The following ILDR2 variants were observed in gnomAD, a reference collection of about 807,000 sequenced individuals.
The protein encoded by ILDR2 is immunoglobulin-like domain-containing receptor 2.
A neutral mutation model predicts 66.8 loss-of-function variants in ILDR2; 25 were observed. The ratio of observed to expected loss-of-function variants is 0.37; its 90% confidence interval spans 0.27 to 0.52. ILDR2 has a LOEUF of 0.52. ILDR2 is among the 20% of genes least tolerant of loss of function. The pLI is 0.88. For missense variants in ILDR2, 827 were observed against 876.8 expected, an observed-to-expected ratio of 0.94 and a Z score of 0.72; for synonymous variants, 367 against 357.2, an observed-to-expected ratio of 1.03 and a Z score of -0.31.
chr1:166,972,396 T>C (rs1663360694), intron 1 of ILDR2, among the ~76,000 whole-genome samples: 1 of 152,138 alleles, frequency 6.6e-6, no homozygotes, highest in Non-Finnish European at 1.5e-5. Context: ...ACCACCCATA[T>C]TCAGGAACAA....
chr1:166,921,263 C>T lies in ILDR2; in HGVS notation c.1328G>A (p.Arg443Gln), dbSNP rs1001537420. 5 of 1,598,520 alleles carry T rather than the reference C, an allele frequency of 3.1e-6. No homozygotes were observed. The highest frequency in any genetic ancestry group is 2.6e-6 in the Non-Finnish European group (3 of 1,175,266). ...CGCCTCGTGACTGTTGCCGTCTGCCCGGCGGGGCCGCTGGCCGTAGGAGTC... is the reference window on the plus strand; with the variant it reads ...CGCCTCGTGACTGTTGCCGTCTGCCTGGCGGGGCCGCTGGCCGTAGGAGTC... The part of the protein sequence containing the change: ...FADSYGQRPR[R>Q]ADGNSHEARG... The change falls in exon 9 of 10, where the codon CGG becomes CAG. Residue 443 changes from arginine (R) to glutamine (Q), a missense_variant. Transcript: ENST00000271417. This position sits in a 1 kb window ranked among gnomAD's most constrained non-coding sequence, Gnocchi z 5.3.
chr1:166,963,537 A>C (rs1418648997), intron 1 of ILDR2, among the ~76,000 whole-genome samples: 1 of 152,148 alleles, frequency 6.6e-6, no homozygotes, highest in Admixed American at 6.5e-5. Flanking sequence ...TAGCCAACTA[A>C]ATGGTCTTCC....
At chr1:166,924,143 A>G (rs1462431169) in intron 7 of ILDR2, among the ~76,000 whole-genome samples, 1 of 152,166 alleles carries the variant, frequency 6.6e-6, no homozygotes, top group Non-Finnish European at 1.5e-5. Flanking sequence ...TTATCATGCA[A>G]TCAGTTGATT....
At chr1:166,899,138 T>C (rs1659220855) in intron 2 of ILDR2, among the ~76,000 whole-genome samples, 1 of 152,042 alleles carries the variant, frequency 6.6e-6, no homozygotes, top group South Asian at 2.1e-4. Context: ...ACGCCTGTAA[T>C]CCCAGCACTT....
Position 166,975,383 on chromosome 1 carries a change from T to TC in ILDR2, c.-116dup. On this transcript the variant is annotated 5_prime_UTR_variant, in exon 1 of 10. It removes the in-frame stop codon of an upstream open reading frame in the 5' UTR. Coordinates refer to ENST00000271417, the MANE Select transcript of ILDR2 (RefSeq NM_199351.3). ...GCGGCGGAGCGGCGGGCACCGGGCG[T>TC]CCCTGGGCGCAGCGCCCGCCGGGCC... 1.7e-6 allele frequency: 1 copy of TC among 584,050 alleles called. No homozygotes were observed. The highest frequency in any genetic ancestry group is 2.3e-6 in the Non-Finnish European group (1 of 436,338). The allele number at this position is 584,050 out of a possible 1,614,324, so 36.2% of individuals were successfully genotyped here.
chr1:166,947,619 G>C (rs1423872539), intron 3 of ILDR2, among the ~76,000 whole-genome samples: 1 of 152,120 alleles, frequency 6.6e-6, no homozygotes, highest in Non-Finnish European at 1.5e-5. Context: ...CAGGGGCTGA[G>C]CCAATTTCTC....
chr1:166,925,528 GTC>G (rs1416197435), intron 7 of ILDR2, among the ~76,000 whole-genome samples: 1 of 152,160 alleles, frequency 6.6e-6, no homozygotes, highest in Non-Finnish European at 1.5e-5. Context: ...GAAGGCTGTG[GTC>G]TCTGAACAGA....
In ILDR2 at chr1:166,920,956, A is replaced by G; in HGVS notation, c.1635T>C (p.Gly545=). 1 of 1,483,960 alleles carries G rather than the reference A, an allele frequency of 6.7e-7. No homozygotes were observed. The highest frequency in any genetic ancestry group is 8.9e-7 in the Non-Finnish European group (1 of 1,127,354). 91.9% of individuals were successfully genotyped at this position (1,483,960 alleles called of 1,614,324 possible). The change falls in exon 9 of 10, where the codon GGT becomes GGC. Residue 545 remains glycine (G), a synonymous_variant. Transcript: ENST00000271417. ...GCTTGGATGGCGTCTCCAGGCTGCCACCGCGGCTGGCGCCCTCGGGCCGCG... is the reference window on the plus strand; with the variant it reads ...GCTTGGATGGCGTCTCCAGGCTGCCGCCGCGGCTGGCGCCCTCGGGCCGCG... ...RQARPEGASR[G]GSLETPSKRS...
chr1:166,959,162 C>A (rs971260114), intron 1 of ILDR2, among the ~76,000 whole-genome samples: 3 of 152,188 alleles, frequency 2.0e-5, no homozygotes, highest in African/African-American at 7.2e-5. Context: ...CTTTTTGCAT[C>A]TTTTAAAACC....
At chr1:166,942,206 A>G (rs1014955701) in intron 3 of ILDR2, among the ~76,000 whole-genome samples, 9 of 152,182 alleles carry the variant, frequency 5.9e-5, no homozygotes, top group Non-Finnish European at 1.5e-5. Context: ...TTTACTCTCA[A>G]AGTATTCTAG....
At chr1:166,901,040 C>A (rs1213658778) in intron 2 of ILDR2, among the ~76,000 whole-genome samples, 1 of 152,214 alleles carries the variant, frequency 6.6e-6, no homozygotes, top group Non-Finnish European at 1.5e-5. Flanking sequence ...CATTCAAAAG[C>A]AGAAGCAAAG....
intron 3 of ILDR2, among the ~76,000 whole-genome samples, chr1:166,940,920 A>G (rs1442708134): frequency 1.3e-5 from 2 of 152,162 alleles, no homozygotes; most frequent in Non-Finnish European, 2.9e-5. Flanking sequence ...CCCTTCCTCT[A>G]TCAAGTCACC....
In ILDR2 at chr1:166,913,805, C is replaced by T. The variant is rs1659534046; in HGVS notation, c.*5550G>A. 6.6e-6 allele frequency: 1 copy of T among 152,174 alleles called. No individual in the cohort carries two copies. Among genetic ancestry groups the T allele is most frequent in the African/African-American group, 2.4e-5 (1 of 41,444 alleles). 9.4% of individuals were successfully genotyped at this position (152,174 alleles called of 1,614,324 possible). A position where few individuals can be genotyped will look rare whatever the true frequency, so the allele number is the denominator to read the frequency against. ...AAAACCTGAAGCATATATTACCCCT[C>T]ACAGCACAGGTGATGAAAGTGAGGC... On this transcript the variant is annotated 3_prime_UTR_variant, in exon 10 of 10. Coordinates refer to ENST00000271417, the MANE Select transcript of ILDR2 (RefSeq NM_199351.3).
rs1208250755 is a variant in ILDR2, at chr1:166,914,894, G to A, written c.*4461C>T. 1.3e-5 allele frequency: 2 copies of A among 152,224 alleles called. No homozygotes were observed. Among genetic ancestry groups the A allele is most frequent in the Admixed American group, 1.3e-4 (2 of 15,282 alleles). 9.4% of individuals were successfully genotyped at this position (152,224 alleles called of 1,614,324 possible). A position where few individuals can be genotyped will look rare whatever the true frequency, so the allele number is the denominator to read the frequency against. On this transcript the variant is annotated 3_prime_UTR_variant, in exon 10 of 10. Transcript: ENST00000271417. ...ATCTGATTTTGGAAGGATATAAAAT[G>A]AGGACTTTTATTATTCTTGTCCACC...
At position 166,922,738 on chromosome 1, in the gene ILDR2, T is replaced by A; in HGVS notation, c.1066A>T (p.Met356Leu). ...GACACAGGGAACTGCTTGCTTCTCA[T>A]CTGATGGAAAGACTGGCGGAAATTG... ...DSNFRQSFHQ[M>L]RSKQFPVSGD... Residue 356 changes from methionine to leucine, a missense_variant, in exon 8 of 10, where the codon ATG becomes TTG. Around this residue, in one of 2 missense-constraint regions of ILDR2, gnomAD observed 437 missense variants for 523.2 expected, o/e 0.84. Transcript: ENST00000271417. The A allele has an allele frequency of 6.2e-7, 1 of 1,614,208 alleles. No homozygotes were observed. The highest frequency in any genetic ancestry group is 8.5e-7 in the Non-Finnish European group (1 of 1,180,030).
chr1:166,948,043 C>A lies in ILDR2; in HGVS notation c.500-8473G>T, dbSNP rs140977943. ...AAACAACTATTACGTCAAACCCCCA[C>A]CTCTTTGCTGGGCCCCTCTGCTCGA... On this transcript the variant is annotated intron_variant, in intron 3 of 9. Coordinates refer to ENST00000271417, the MANE Select transcript of ILDR2 (RefSeq NM_199351.3). Among the ~76,000 whole-genome samples, 378 of 152,290 alleles carry A rather than the reference C, an allele frequency of 2.5e-3. 1 individual carries two copies. Among genetic ancestry groups the A allele is most frequent in the African/African-American group, 7.9e-3 (327 of 41,560 alleles).
intron 1 of ILDR2, among the ~76,000 whole-genome samples, chr1:166,967,335 G>A (rs140066590): frequency 2.0e-5 from 3 of 152,276 alleles, no homozygotes; most frequent in Admixed American, 6.5e-5. Context: ...CTTTTGTGTG[G>A]GTTACAATAT....
At chr1:166,948,040 C>T (rs1166439696) in intron 3 of ILDR2, among the ~76,000 whole-genome samples, 1 of 152,116 alleles carries the variant, frequency 6.6e-6, no homozygotes, top group Non-Finnish European at 1.5e-5. Flanking sequence ...CGTCAAACCC[C>T]CACCTCTTTG....
At chr1:166,906,057 A>G (rs572176576), downstream of ILDR2, among the ~76,000 whole-genome samples, 1 of 152,326 alleles carries the variant, frequency 6.6e-6, no homozygotes, top group East Asian at 1.9e-4. Flanking sequence ...CTGAGATGTG[A>G]CCTGGATGTA....
Sources: allele counts gnomAD v4.1 joint callset (sites outside exome capture counted in the v4.1 genomes callset), GRCh38; gene constraint gnomAD v4.1.1; regional missense constraint gnomAD v4.1.1; non-coding constraint Gnocchi (gnomAD v3.1); transcripts MANE v1.5; gene names NCBI Gene and HGNC (gene_info 2026-07-23, HGNC 2026-07-21).